The following BLTP1 variants were observed in gnomAD, a reference collection of about 807,000 sequenced individuals.
BLTP1 encodes the protein fragile site-associated protein.
chr4:122,245,164 G>C, the BLTP1 span: 17 of 1,576,760 alleles, frequency 1.1e-5, no homozygotes, highest in East Asian at 3.8e-4. Context: ...AATTCAATGG[G>C]CATAGCAAAT....
the BLTP1 span, chr4:122,246,320 A>T: frequency 6.8e-3 from 10,476 of 1,536,176 alleles, 629 homozygotes; most frequent in African/African-American, 0.13. Flanking sequence ...ATATTTAAAA[A>T]TTTTTTCCTG....
At chr4:122,212,179 A>G in the BLTP1 span, 24 of 361,688 alleles carry the variant, frequency 6.6e-5, no homozygotes, top group East Asian at 3.1e-3. Context: ...GAAGGTATAT[A>G]GCATCTCAAT....
the BLTP1 span, chr4:122,325,626 A>G: frequency 1.8e-6 from 2 of 1,107,744 alleles, no homozygotes; most frequent in East Asian, 5.9e-5. Flanking sequence ...ATATTAAACT[A>G]CATCTTACAC....
At chr4:122,356,037 C>A in the BLTP1 span, 1 of 1,370,868 alleles carries the variant, frequency 7.3e-7, no homozygotes, top group Non-Finnish European at 1.0e-6. Context: ...TCTAAAGGCA[C>A]TTCAAACTAC....
At chr4:122,361,847 A>G in the BLTP1 span, 1 of 211,200 alleles carries the variant, frequency 4.7e-6, no homozygotes, top group Non-Finnish European at 8.2e-6. Context: ...TCATACATAT[A>G]TTATTTTTTG....
the BLTP1 span, among the ~76,000 whole-genome samples, chr4:122,337,797 C>T: frequency 6.7e-6 from 1 of 149,654 alleles, no homozygotes; most frequent in South Asian, 2.1e-4. Flanking sequence ...AAAATGCAGT[C>T]CTACCAATAG....
the BLTP1 span, among the ~76,000 whole-genome samples, chr4:122,255,683 CAA>C: frequency 5.3e-5 from 8 of 152,008 alleles, no homozygotes; most frequent in African/African-American, 1.9e-4. Context: ...AGTCTATAGA[CAA>C]AGAGTGTGCT....
chr4:122,302,875 G>T, the BLTP1 span, among the ~76,000 whole-genome samples: 1 of 152,170 alleles, frequency 6.6e-6, no homozygotes, highest in East Asian at 1.9e-4. Context: ...TTCTATGAAG[G>T]CTGGGAGAGG....
At chr4:122,237,121 C>G in the BLTP1 span, 1 of 984,350 alleles carries the variant, frequency 1.0e-6, no homozygotes, top group East Asian at 1.1e-4. Flanking sequence ...AGGTTTATGA[C>G]TCTTACCCCT....
chr4:122,248,485 C>T, the BLTP1 span, among the ~76,000 whole-genome samples: 1 of 151,624 alleles, frequency 6.6e-6, no homozygotes, highest in Non-Finnish European at 1.5e-5. Context: ...TATTTGTTAC[C>T]CTTATAGGGA....
the BLTP1 span, chr4:122,208,177 G>A: frequency 9.2e-6 from 8 of 866,568 alleles, no homozygotes; most frequent in Non-Finnish European, 1.1e-5. Flanking sequence ...CATTTTCTGG[G>A]TACTACATAG....
At chr4:122,224,168 A>G in the BLTP1 span, 1 of 807,176 alleles carries the variant, frequency 1.2e-6, no homozygotes, top group Non-Finnish European at 1.5e-6. Flanking sequence ...TTTCTTACAA[A>G]AGACTGGTCT....
the BLTP1 span, chr4:122,226,813 A>G: frequency 2.5e-6 from 4 of 1,610,436 alleles, no homozygotes; most frequent in Admixed American, 1.7e-5. Context: ...CATGGAATTG[A>G]TCGTCGGTTC....
the BLTP1 span, chr4:122,330,841 TG>T: frequency 5.1e-6 from 1 of 195,698 alleles, no homozygotes; most frequent in African/African-American, 2.4e-5. Flanking sequence ...CAGTTTCAGG[TG>T]TTAAGTCTTT....
the BLTP1 span, chr4:122,207,276 A>T: frequency 3.8e-6 from 6 of 1,572,078 alleles, no homozygotes; most frequent in East Asian, 2.3e-5. Context: ...GTAAGACATT[A>T]AAAAAAATTA....
the BLTP1 span, among the ~76,000 whole-genome samples, chr4:122,265,971 G>A: frequency 3.3e-5 from 5 of 152,226 alleles, no homozygotes; most frequent in Non-Finnish European, 7.3e-5. Context: ...TGGGATTACA[G>A]GCATGAGCCA....
the BLTP1 span, chr4:122,352,707 A>C: frequency 2.1e-5 from 4 of 191,652 alleles, no homozygotes; most frequent in African/African-American, 9.5e-5. Context: ...TACTTTCCTT[A>C]GCTATATCCA....
chr4:122,221,860 G>A, the BLTP1 span: 1 of 983,120 alleles, frequency 1.0e-6, no homozygotes, highest in Non-Finnish European at 1.2e-6. Context: ...GACTATCCCT[G>A]GTTTTTTATG....
the BLTP1 span, among the ~76,000 whole-genome samples, chr4:122,310,346 T>G: frequency 1.3e-5 from 2 of 152,112 alleles, no homozygotes; most frequent in African/African-American, 2.4e-5. Context: ...TTAGGCTATT[T>G]GCTGGGGGGC....
Sources: allele counts gnomAD v4.1 joint callset (sites outside exome capture counted in the v4.1 genomes callset), GRCh38; gene constraint gnomAD v4.1.1; transcripts MANE v1.5; gene names NCBI Gene and HGNC (gene_info 2026-07-23, HGNC 2026-07-21).